The following ZMYM4 variants were observed in gnomAD, a reference collection of about 807,000 sequenced individuals.
ZMYM4 encodes zinc finger MYM-type protein 4.
A neutral mutation model predicts 183.2 loss-of-function variants in ZMYM4; 31 were observed. The observed-to-expected ratio is 0.17, with a 90% confidence interval of 0.13 to 0.23. The LOEUF is 0.23. Ranked by LOEUF, ZMYM4 falls within the 10% of genes least tolerant of loss-of-function variation. ZMYM4 has a pLI of 1.00. For synonymous variants in ZMYM4, 592 were observed against 631.2 expected (o/e 0.94, Z 0.93); for missense variants, 1,273 against 1,840.3 (o/e 0.69, Z 5.64).
chr1:35,346,508 G>A (rs1024459354), intron 2 of ZMYM4, among the ~76,000 whole-genome samples: 5 of 151,916 alleles, frequency 3.3e-5, no homozygotes, highest in Admixed American at 2.6e-4. Flanking sequence ...AAAATTAGCT[G>A]GGAGTGATGG....
intron 26 of ZMYM4, among the ~76,000 whole-genome samples, chr1:35,409,387 C>G (rs1279979237): frequency 1.3e-5 from 2 of 151,976 alleles, no homozygotes; most frequent in African/African-American, 4.8e-5. Context: ...TTTACATTTC[C>G]AACAGCAGTG....
At chr1:35,405,758 G>GTT (rs1202987955) in intron 25 of ZMYM4, among the ~76,000 whole-genome samples, 5 of 59,880 alleles carry the variant, frequency 8.4e-5, no homozygotes, top group Admixed American at 2.4e-4. Flanking sequence ...GTGGAGCCCA[G>GTT]TTTTTTTTTT....
intron 1 of ZMYM4, among the ~76,000 whole-genome samples, chr1:35,312,512 A>G (rs1007651719): frequency 6.6e-6 from 1 of 152,102 alleles, no homozygotes; most frequent in Non-Finnish European, 1.5e-5. Context: ...CCTCTACCAT[A>G]TTCTTTTTAA....
At chr1:35,308,496 A>G (rs1641648985) in intron 1 of ZMYM4, among the ~76,000 whole-genome samples, 1 of 152,156 alleles carries the variant, frequency 6.6e-6, no homozygotes. Flanking sequence ...CTAGAACCCT[A>G]GTCGCCTGAA....
intron 26 of ZMYM4, 34 bp downstream of exon 26, chr1:35,408,193 G>A (rs1449844573): frequency 6.2e-7 from 1 of 1,611,716 alleles, no homozygotes; most frequent in Middle Eastern, 1.7e-4. Context: ...CTTCAACCTA[G>A]CAAATCCATT....
chr1:35,288,072 C>T (rs999753883), intron 1 of ZMYM4, among the ~76,000 whole-genome samples: 1 of 152,118 alleles, frequency 6.6e-6, no homozygotes, highest in Non-Finnish European at 1.5e-5. Flanking sequence ...TCTTTTGTTT[C>T]TTCCCTTTCC....
chr1:35,295,635 A>G (rs1640969588), intron 1 of ZMYM4, among the ~76,000 whole-genome samples: 1 of 152,196 alleles, frequency 6.6e-6, no homozygotes, highest in Non-Finnish European at 1.5e-5. Flanking sequence ...TTGGGGAGCA[A>G]AATTGCTCTG....
In ZMYM4 at chr1:35,381,402, C is replaced by A. The variant is rs779035411; in HGVS notation, c.1325C>A (p.Thr442Asn). ...ACCATAAATACAAATAGTATTTCAA[C>A]CAAATGCAGCATGTGTCAGAAGAAT... ...IVTINTNSISTKCSMCQKNAV... is the reference protein window; with the variant it reads ...IVTINTNSISNKCSMCQKNAV... The change falls in exon 8 of 30, where the codon ACC becomes AAC. Residue 442 changes from threonine to asparagine, a missense_variant. Coordinates refer to ENST00000314607, the MANE Select transcript of ZMYM4 (RefSeq NM_005095.3). 6.2e-7 allele frequency: 1 copy of A among 1,609,474 alleles called. No individual in the cohort carries two copies. The highest frequency in any genetic ancestry group is 1.1e-5 in the South Asian group (1 of 90,692).
chr1:35,276,031 C>CT (rs148667586), intron 1 of ZMYM4, among the ~76,000 whole-genome samples: 19 of 151,816 alleles, frequency 1.3e-4, no homozygotes, highest in African/African-American at 2.2e-4. Flanking sequence ...AAAGATAGTC[C>CT]TTTTTTTTGT....
At chr1:35,334,754 A>G (rs1163664974) in intron 2 of ZMYM4, among the ~76,000 whole-genome samples, 1 of 152,216 alleles carries the variant, frequency 6.6e-6, no homozygotes, top group African/African-American at 2.4e-5. Context: ...TTGAGAATGC[A>G]TAATGTAAAG....
At chr1:35,310,353 G>A (rs1333517181) in intron 1 of ZMYM4, 3 of 264,394 alleles carry the variant, frequency 1.1e-5, no homozygotes, top group African/African-American at 2.3e-5. Flanking sequence ...TACATGAGGG[G>A]CAAGTTTTTC....
rs769759043 is a variant in ZMYM4, at chr1:35,370,068, G to A, written c.880G>A (p.Glu294Lys). The change falls in exon 6 of 30, where the codon GAA becomes AAA. Residue 294 changes from glutamate to lysine, a missense_variant. Physicochemically the swap from Glu to Lys is moderately conservative, Grantham distance 56. This residue lies in a region of ZMYM4 where 384 missense variants were observed against 465.6 expected (regional missense o/e 0.82). Transcript: ENST00000314607. ...CCAACAGCAAAAAACTCAAGAGGGG[G>A]AACTGAAAATTAGTGCTGTGTTTTC... ...HGQQQKTQEG[E>K]LKISAVFSVS... The A allele has an allele frequency of 1.9e-6, 3 of 1,613,258 alleles. No individual in the cohort carries two copies. The highest frequency in any genetic ancestry group is 1.1e-5 in the South Asian group (1 of 91,022).
chr1:35,408,222 C>G, intron 26 of ZMYM4, 63 bp downstream of exon 26: 1 of 1,578,970 alleles, frequency 6.3e-7, no homozygotes, highest in Non-Finnish European at 8.7e-7. Context: ...TATGTCCCCA[C>G]AGAAATTACA....
rs1640272592 is a variant in ZMYM4, at chr1:35,419,990, G to A, written c.*313G>A. The A allele has an allele frequency of 2.8e-6, 1 of 353,834 alleles. No homozygotes were observed. Among genetic ancestry groups the A allele is most frequent in the Non-Finnish European group, 5.5e-6 (1 of 182,872 alleles). 21.9% of individuals were successfully genotyped at this position (353,834 alleles called of 1,614,324 possible). ...TGGAATATTTTTAAGGAAAACTGTTGTATAAAACTTTACCATAGTAACCTT... is the reference window on the plus strand; with the variant it reads ...TGGAATATTTTTAAGGAAAACTGTTATATAAAACTTTACCATAGTAACCTT... On this transcript the variant is annotated 3_prime_UTR_variant, in exon 30 of 30. Coordinates refer to ENST00000314607, the MANE Select transcript of ZMYM4 (RefSeq NM_005095.3).
At chr1:35,396,497 T>G (rs1570520037) in intron 18 of ZMYM4, 55 bp from the exon 19 acceptor site, 1 of 1,600,130 alleles carries the variant, frequency 6.2e-7, no homozygotes, top group South Asian at 1.1e-5. Context: ...TGAAATCTTA[T>G]GAAAGCATTT....
chr1:35,282,247 T>C (rs1181641134), intron 1 of ZMYM4, among the ~76,000 whole-genome samples: 1 of 152,232 alleles, frequency 6.6e-6, no homozygotes, highest in Non-Finnish European at 1.5e-5. Context: ...GGTGTTTGGA[T>C]AGTGGGGACA....
intron 1 of ZMYM4, among the ~76,000 whole-genome samples, chr1:35,284,867 A>G (rs1286842986): frequency 2.6e-5 from 4 of 152,230 alleles, no homozygotes; most frequent in Admixed American, 2.0e-4. Flanking sequence ...CTCCACTCTC[A>G]CTACCTCATC....
At chr1:35,329,673 A>G (rs1468739504) in intron 2 of ZMYM4, among the ~76,000 whole-genome samples, 3 of 152,124 alleles carry the variant, frequency 2.0e-5, no homozygotes, top group South Asian at 2.1e-4. Flanking sequence ...TCAGTGTACT[A>G]GTTTACTTGT....
rs183085459 is a variant in ZMYM4 at position 35,369,994 on chromosome 1, C to T, written c.841-35C>T. 1.3e-3 allele frequency: 1,850 copies of T among 1,475,546 alleles called. 3 individuals carry two copies. The highest frequency in any genetic ancestry group is 1.5e-3 in the Admixed American group (89 of 57,558). 91.4% of individuals were successfully genotyped at this position (1,475,546 alleles called of 1,614,324 possible). ...GATGTCTTTAGGTATTTATTCTTTT[C>T]TCTATGTATTTATTTATTTTTTTCT... On this transcript the variant is annotated intron_variant, in intron 5 of 29. Transcript: ENST00000314607.
Sources: allele counts gnomAD v4.1 joint callset (sites outside exome capture counted in the v4.1 genomes callset), GRCh38; gene constraint gnomAD v4.1.1; regional missense constraint gnomAD v4.1.1; transcripts MANE v1.5; gene names NCBI Gene and HGNC (gene_info 2026-07-23, HGNC 2026-07-21).